The following NALF1 variants were observed in gnomAD, a reference collection of about 807,000 sequenced individuals.
NALF1 encodes family with sequence similarity 155 member A.
Under a neutral mutation model 48.4 loss-of-function variants are expected in NALF1, and 3 were observed. The ratio of observed to expected loss-of-function variants is 0.06; its 90% CI spans 0.03 to 0.16. The LOEUF (loss-of-function observed/expected upper bound fraction) is 0.16, where lower values mean the gene tolerates loss of function less well. NALF1 is among the 10% of genes least tolerant of loss of function. The probability of loss-of-function intolerance (pLI) is 1.00; values close to 1 mark genes in which losing one functional copy is unlikely to be tolerated. For missense variants in NALF1, 526 were observed against 571.5 expected, an observed-to-expected ratio of 0.92 and a Z score of 0.81; for synonymous variants, 262 against 245.7, an observed-to-expected ratio of 1.07 and a Z score of -0.62.
At chr13:107,186,646 G>C (rs529432033) in intron 2 of NALF1, among the ~76,000 whole-genome samples, 1 of 152,320 alleles carries the variant, frequency 6.6e-6, no homozygotes, top group African/African-American at 2.4e-5. Context: ...GATTATAGGT[G>C]TGAGCCACCA....
intron 1 of NALF1, among the ~76,000 whole-genome samples, chr13:107,483,548 C>T (rs1432254897): frequency 9.2e-5 from 14 of 151,994 alleles, no homozygotes; most frequent in African/African-American, 3.4e-4. Flanking sequence ...GCATACAAAA[C>T]TGTAGGCCTT....
chr13:107,639,055 A>C (rs1880072150), intron 1 of NALF1, among the ~76,000 whole-genome samples: 1 of 152,220 alleles, frequency 6.6e-6, no homozygotes, highest in African/African-American at 2.4e-5. Flanking sequence ...GATGGATTAC[A>C]GTACATCCTC....
At chr13:107,854,809 G>A (rs865776164) in intron 1 of NALF1, among the ~76,000 whole-genome samples, 53 of 151,604 alleles carry the variant, frequency 3.5e-4, no homozygotes, top group African/African-American at 1.2e-3. Context: ...GGGAGGCGGC[G>A]GTTGCAGTGA....
rs1883699971 is a variant in NALF1 at position 107,395,630 on chromosome 13, C to T, written c.916-184875G>A. Among the ~76,000 whole-genome samples, 3 of 152,076 alleles carry T rather than the reference C, an allele frequency of 2.0e-5. No individual in the cohort carries two copies. The South Asian group carries it at 6.2e-4, about 31-fold the overall frequency. ...TTCTCTCTGAAACTGCATTAGCTTG[C>T]TAGGGCTGCCATAACAAAGGATGAC... On this transcript the variant is annotated intron_variant, in intron 1 of 2. Transcript: ENST00000375915.
At chr13:107,815,547 T>C (rs1879138147) in intron 1 of NALF1, among the ~76,000 whole-genome samples, 1 of 152,160 alleles carries the variant, frequency 6.6e-6, no homozygotes. Context: ...TGGGGACCCT[T>C]GCACATTGCT....
rs186658265 is a variant in NALF1, at chr13:107,548,764, T to A, written c.915+316918A>T. On this transcript the variant is annotated intron_variant, in intron 1 of 2. Coordinates refer to ENST00000375915, the MANE Select transcript of NALF1 (RefSeq NM_001080396.3). Reference sequence around the variant, plus strand: ...GACCCATTGATGTCCTTCTTGACTATCTACTTGTAGCCTGTGAACTTGTAG... The same window carrying A: ...GACCCATTGATGTCCTTCTTGACTAACTACTTGTAGCCTGTGAACTTGTAG... 1.2e-3 allele frequency among the ~76,000 whole-genome samples: 183 copies of A among 152,218 alleles called. 1 individual carries two copies. The highest frequency in any genetic ancestry group is 4.8e-3 in the Admixed American group (73 of 15,270).
At chr13:107,452,664 C>G (rs916340348) in intron 1 of NALF1, among the ~76,000 whole-genome samples, 6 of 152,162 alleles carry the variant, frequency 3.9e-5, no homozygotes, top group Admixed American at 3.9e-4. Flanking sequence ...TCTCATGTCC[C>G]TTTCACATTT....
chr13:107,419,172 T>G (rs1418042866), intron 1 of NALF1, among the ~76,000 whole-genome samples: 1 of 152,230 alleles, frequency 6.6e-6, no homozygotes, highest in Non-Finnish European at 1.5e-5. Flanking sequence ...CTACAGTTCT[T>G]TCTAATTTTC....
chr13:107,264,186 T>G (rs368236599), intron 1 of NALF1, among the ~76,000 whole-genome samples: 2 of 152,254 alleles, frequency 1.3e-5, no homozygotes, highest in East Asian at 3.8e-4. Context: ...TCTTTTCAAT[T>G]GTGGCAAATT....
intron 1 of NALF1, among the ~76,000 whole-genome samples, chr13:107,573,009 C>T (rs1878032177): frequency 6.6e-6 from 1 of 152,104 alleles, no homozygotes; most frequent in African/African-American, 2.4e-5. Context: ...GCCTTGCTCC[C>T]CACTGTCCAC....
chr13:107,584,428 A>G (rs888506660), intron 1 of NALF1, among the ~76,000 whole-genome samples: 2 of 151,808 alleles, frequency 1.3e-5, no homozygotes, highest in Non-Finnish European at 2.9e-5. Context: ...GACTTGAAAA[A>G]CCCTTATTTT....
intron 1 of NALF1, among the ~76,000 whole-genome samples, chr13:107,737,160 G>C (rs3930306): frequency 0.98 from 149,654 of 152,306 alleles, 73,594 homozygotes; most frequent in East Asian, 1. Context: ...GTATAGGATA[G>C]AGAAACACCA....
chr13:107,867,232 A>G lies in NALF1; in HGVS notation c.-636T>C, dbSNP rs1279309976. ...GCTCCTGCTCCGCGCTGGCTCTCCC[A>G]GAGTCCGGAGCCTGGGCTGCCTCCG... On this transcript the variant is annotated 5_prime_UTR_variant, in exon 1 of 3. Transcript: ENST00000375915. The surrounding 1 kb of genome is among the most constrained non-coding windows in gnomAD (Gnocchi z 4.4). Among the ~76,000 whole-genome samples, 5 of 145,494 alleles carry G rather than the reference A, an allele frequency of 3.4e-5. No individual in the cohort carries two copies. Among genetic ancestry groups the G allele is most frequent in the Admixed American group, 3.4e-4 (5 of 14,802 alleles).
intron 1 of NALF1, among the ~76,000 whole-genome samples, chr13:107,647,132 T>G (rs953420910): frequency 6.6e-6 from 1 of 152,034 alleles, no homozygotes; most frequent in Non-Finnish European, 1.5e-5. Context: ...TGAATCACTG[T>G]GCAGATTGAG....
chr13:107,801,387 T>C (rs1177048045), intron 1 of NALF1, among the ~76,000 whole-genome samples: 1 of 152,170 alleles, frequency 6.6e-6, no homozygotes, highest in African/African-American at 2.4e-5. Context: ...TTTTAAAATA[T>C]TTATAAGAAA....
At chr13:107,193,951 CA>C (rs1879333468) in intron 2 of NALF1, among the ~76,000 whole-genome samples, 3 of 152,052 alleles carry the variant, frequency 2.0e-5, no homozygotes, top group African/African-American at 7.3e-5. Flanking sequence ...TGAATCTCTC[CA>C]TGTACATCTA....
chr13:107,613,883 T>TA (rs1879306235), intron 1 of NALF1, among the ~76,000 whole-genome samples: 2 of 152,360 alleles, frequency 1.3e-5, no homozygotes, highest in South Asian at 4.1e-4. Context: ...GTGACCATTC[T>TA]ATGCAGGTGC....
At chr13:107,361,028 A>G (rs1250562456) in intron 1 of NALF1, among the ~76,000 whole-genome samples, 3 of 152,136 alleles carry the variant, frequency 2.0e-5, no homozygotes, top group Admixed American at 6.6e-5. Context: ...TAAAGGTTTG[A>G]TCAGTTTCAG....
chr13:107,710,758 T>C (rs1190048778), intron 1 of NALF1, among the ~76,000 whole-genome samples: 1 of 126,308 alleles, frequency 7.9e-6, no homozygotes, highest in African/African-American at 2.8e-5. Flanking sequence ...TATATATACA[T>C]ATATGTATAC....
Sources: gnomAD v4.1 joint callset for allele counts (sites outside exome capture counted in the v4.1 genomes callset) on GRCh38, gnomAD v4.1.1 for gene constraint, Gnocchi (gnomAD v3.1) non-coding constraint, MANE v1.5 for transcripts, NCBI Gene and HGNC (gene_info 2026-07-23, HGNC 2026-07-21) for gene names.